Variants in ISM1 observed in about 807,000 individuals in gnomAD.
ISM1 encodes isthmin-1.
ISM1 carries 25 observed loss-of-function variants against 46.3 expected under a neutral mutation model. The observed-to-expected ratio is 0.54, with a 90% CI of 0.39 to 0.75. ISM1 has a LOEUF of 0.75. ISM1 is among the 30% of genes least tolerant of loss of function. The pLI, the probability that ISM1 is intolerant of heterozygous loss-of-function variation, is 0.00. For missense variants in ISM1, 536 were observed against 625.4 expected, an observed-to-expected ratio of 0.86 and a Z score of 1.52; for synonymous variants, 255 against 256.7, an observed-to-expected ratio of 0.99 and a Z score of 0.06.
chr20:13,305,712 A>G, the ISM1 span, among the ~76,000 whole-genome samples: 1 of 152,356 alleles, frequency 6.6e-6, no homozygotes, highest in African/African-American at 2.4e-5. Context: ...GGTTTACCAT[A>G]TGAGAGTAGA....
At chr20:13,274,095 GCACACAAACACACCCACACACCACA>G (rs2040147509) in intron 2 of ISM1, among the ~76,000 whole-genome samples, 1 of 151,742 alleles carries the variant, frequency 6.6e-6, no homozygotes, top group Non-Finnish European at 1.5e-5. Context: ...GCATGTGCAT[GCACACAAACACACCCACACACCACA>G]CAGCACTAGC....
intron 3 of ISM1, among the ~76,000 whole-genome samples, chr20:13,283,805 T>G (rs956472920): frequency 2.0e-5 from 3 of 152,240 alleles, no homozygotes; most frequent in Non-Finnish European, 4.4e-5. Context: ...TAGGACCCAG[T>G]TGAAATTCTC....
At chr20:13,265,542 C>T (rs2040033373) in intron 1 of ISM1, among the ~76,000 whole-genome samples, 1 of 152,178 alleles carries the variant, frequency 6.6e-6, no homozygotes, top group Non-Finnish European at 1.5e-5. Flanking sequence ...TCATCGAAAG[C>T]TTCCTTGCTT....
At chr20:13,261,010 T>A (rs891684405) in intron 1 of ISM1, among the ~76,000 whole-genome samples, 7 of 152,188 alleles carry the variant, frequency 4.6e-5, no homozygotes, top group African/African-American at 1.7e-4. Flanking sequence ...TAGCTTGGCC[T>A]TCTTCACCGA....
Position 13,298,954 on chromosome 20 carries a change from G to A in ISM1, c.890G>A (p.Cys297Tyr). The A allele has an allele frequency of 2.5e-6, 4 of 1,613,450 alleles. No individual in the cohort carries two copies. The highest frequency in any genetic ancestry group is 3.4e-6 in the Non-Finnish European group (4 of 1,179,698). Residue 297 changes from cysteine (C) to tyrosine (Y), a missense_variant, in exon 6 of 6, where the codon TGT (cysteine) becomes TAT (tyrosine). By Grantham distance (194) the Cys-to-Tyr change is radical. This residue lies in a region of ISM1 where 169 missense variants were observed against 249.3 expected (regional missense o/e 0.68). Transcript: ENST00000262487. Reference sequence around the variant, plus strand: ...TGGCCTTTTCCAGACACAGACAGCTGTGAGCGCTGGATGAGCTGCAAAAGC... The same window carrying A: ...TGGCCTTTTCCAGACACAGACAGCTATGAGCGCTGGATGAGCTGCAAAAGC... ...TKLFEVDTDS[C>Y]ERWMSCKSEF...
rs76315361 is a variant in ISM1, at chr20:13,228,747, C to A, written c.138+6833C>A. On this transcript the variant is annotated intron_variant, in intron 1 of 5. Coordinates refer to ENST00000262487, the MANE Select transcript of ISM1 (RefSeq NM_080826.2). ...CTTTGGTATTTCCAATATCCCTGTA[C>A]TCTTTTTCTGGAACTCCTGTTAGAG... is the stretch of plus-strand genomic sequence containing the variant. Among the ~76,000 whole-genome samples the A allele has an allele frequency of 5.6e-3, 854 of 152,192 alleles. 8 individuals carry two copies. The highest frequency in any genetic ancestry group is 0.018 in the African/African-American group (766 of 41,506).
chr20:13,222,127 G>C (rs6109760), intron 1 of ISM1, among the ~76,000 whole-genome samples: 27,560 of 152,144 alleles, frequency 0.18, 3,751 homozygotes, highest in East Asian at 0.49. Context: ...CCAGGTCTGC[G>C]GGCTGCGCTC....
At chr20:13,278,919 C>T (rs1032471584) in intron 2 of ISM1, among the ~76,000 whole-genome samples, 10 of 152,144 alleles carry the variant, frequency 6.6e-5, no homozygotes, top group Non-Finnish European at 1.0e-4. Flanking sequence ...GTGGTCTAGG[C>T]TAAGCTTCCT....
downstream of ISM1, among the ~76,000 whole-genome samples, chr20:13,301,209 G>A (rs1239790712): frequency 6.7e-6 from 1 of 148,804 alleles, no homozygotes; most frequent in African/African-American, 2.5e-5. Flanking sequence ...TTTTTTTTTT[G>A]AGACAGTCTC....
intron 1 of ISM1, among the ~76,000 whole-genome samples, chr20:13,258,301 C>T (rs1225519430): frequency 6.6e-6 from 1 of 152,116 alleles, no homozygotes; most frequent in African/African-American, 2.4e-5. Flanking sequence ...TCCAACCCCA[C>T]AGCTCTCTCT....
At chr20:13,270,466 G>A (rs2040099302) in intron 1 of ISM1, 38 bp from the exon 2 acceptor site, 3 of 1,575,814 alleles carry the variant, frequency 1.9e-6, no homozygotes, top group African/African-American at 2.7e-5. Flanking sequence ...TTAATCATGT[G>A]TCTCCTTAAC....
chr20:13,241,499 C>T (rs1179363285), intron 1 of ISM1, among the ~76,000 whole-genome samples: 6 of 152,046 alleles, frequency 3.9e-5, no homozygotes, highest in Admixed American at 2.0e-4. Flanking sequence ...ATTGGCCTTT[C>T]ACAGAAGCAG....
intron 1 of ISM1, among the ~76,000 whole-genome samples, chr20:13,268,201 CTTCTCTCTTGCTCCTTCTCT>C (rs767829047): frequency 2.0e-5 from 3 of 151,384 alleles, no homozygotes; most frequent in Non-Finnish European, 4.4e-5. Context: ...CTTCGCTTCT[CTTCTCTCTTGCTCCTTCTCT>C]TTCTCTCTTC....
At chr20:13,280,005 C>G in intron 3 of ISM1, 107 bp downstream of exon 3, 1 of 1,124,066 alleles carries the variant, frequency 8.9e-7, no homozygotes, top group Non-Finnish European at 1.2e-6. Context: ...GGCTTTTGGT[C>G]TTCTGTGAGG....
chr20:13,308,689 A>G, the ISM1 span, among the ~76,000 whole-genome samples: 1 of 152,192 alleles, frequency 6.6e-6, no homozygotes, highest in Admixed American at 6.6e-5. Context: ...ATACTGTCTG[A>G]AAAAGAAAAT....
intron 1 of ISM1, among the ~76,000 whole-genome samples, chr20:13,236,922 T>C (rs55851752): frequency 0.013 from 1,904 of 152,276 alleles, 42 homozygotes; most frequent in African/African-American, 0.043. Context: ...GGGGCTGGCA[T>C]TGAGTGTCTG....
At position 13,292,359 on chromosome 20, in the gene ISM1, C is replaced by A; in HGVS notation, c.788-15C>A. On this transcript the variant is annotated splice_polypyrimidine_tract_variant and intron_variant, in intron 4 of 5. Coordinates refer to ENST00000262487, the MANE Select transcript of ISM1 (RefSeq NM_080826.2). Reference sequence around the variant, plus strand: ...CCATGTAATGATGGAAAAATGAGCTCTTGTCTGTGTTTAGGAATTGAAGAC... The same window carrying A: ...CCATGTAATGATGGAAAAATGAGCTATTGTCTGTGTTTAGGAATTGAAGAC... 1 of 1,554,866 alleles carries A rather than the reference C, an allele frequency of 6.4e-7. No individual in the cohort carries two copies.
the ISM1 span, among the ~76,000 whole-genome samples, chr20:13,321,804 G>T: frequency 2.0e-4 from 30 of 152,154 alleles, no homozygotes; most frequent in African/African-American, 5.6e-4. Context: ...ATTTTACTAG[G>T]GAATGTCGAA....
At chr20:13,312,302 G>A in the ISM1 span, among the ~76,000 whole-genome samples, 1 of 152,194 alleles carries the variant, frequency 6.6e-6, no homozygotes, top group Admixed American at 6.5e-5. Flanking sequence ...TTCACAGTCG[G>A]CATGTGTGGC....
Sources: allele counts gnomAD v4.1 joint callset (sites outside exome capture counted in the v4.1 genomes callset), GRCh38; gene constraint gnomAD v4.1.1; regional missense constraint gnomAD v4.1.1; transcripts MANE v1.5; gene names NCBI Gene and HGNC (gene_info 2026-07-23, HGNC 2026-07-21).